The following BEAN1 variants were observed in gnomAD, a reference collection of about 807,000 sequenced individuals.
The protein encoded by BEAN1 is protein BEAN1.
A neutral mutation model predicts 17.7 loss-of-function variants in BEAN1; 17 were observed. The ratio of observed to expected loss-of-function variants is 0.96; its 90% CI spans 0.66 to 1.44. BEAN1 has a LOEUF of 1.44. Ranked by LOEUF, BEAN1 falls within the 40% of genes most tolerant of loss-of-function variation. The pLI is 0.00. For synonymous variants in BEAN1, 142 were observed against 151.8 expected (o/e 0.94, Z 0.47); for missense variants, 359 against 374.1 (o/e 0.96, Z 0.33).
exon 5 of BEAN1, chr16:66,493,469 C>G (rs1199020946): frequency 5.0e-6 from 3 of 605,278 alleles, no homozygotes; most frequent in Non-Finnish European, 5.9e-6. Flanking sequence ...CAGCACATGC[C>G]TGGACAGTGA....
intron 4 of BEAN1, among the ~76,000 whole-genome samples, chr16:66,490,416 A>AAT (rs1311642089): frequency 7.9e-6 from 1 of 127,102 alleles, no homozygotes; most frequent in Non-Finnish European, 1.6e-5. Flanking sequence ...AAATAAAATA[A>AAT]AATAAAATAA....
In BEAN1 at chr16:66,477,485, G is replaced by A. The variant is rs892259014; in HGVS notation, c.290-75G>A. 5 of 1,377,690 alleles carry A rather than the reference G, an allele frequency of 3.6e-6. 1 individual carries two copies. The Admixed American group carries it at 1.2e-4, about 33-fold the overall frequency. 85.3% of individuals were successfully genotyped at this position (1,377,690 alleles called of 1,614,324 possible). ...GGGAATCAGAGCCTCCATGGCCCCA[G>A]GTAGACCTACAGACCCATAAGGACC... On this transcript the variant is annotated intron_variant, in intron 3 of 4. Transcript: ENST00000536005.
rs1171145789 is a variant in BEAN1, at chr16:66,482,775, TTC to T, written c.*1852_*1853del. The T allele has an allele frequency of 9.2e-6, 4 of 436,204 alleles. No homozygotes were observed. Among genetic ancestry groups the T allele is most frequent in the Non-Finnish European group, 1.8e-5 (4 of 220,372 alleles). The allele number at this position is 436,204 out of a possible 1,614,324, so 27.0% of individuals were successfully genotyped here. A position where few individuals can be genotyped will look rare whatever the true frequency, so the allele number is the denominator to read the frequency against. ...CAATGAATAAGCAACAATGTATCTT[TTC>T]TGTGTTCAAAATAAATACATAATAT... On this transcript the variant is annotated 3_prime_UTR_variant, in exon 5 of 5. Transcript: ENST00000536005.
intron 2 of BEAN1, among the ~76,000 whole-genome samples, chr16:66,469,322 G>A (rs756070990): frequency 1.3e-5 from 2 of 152,214 alleles, no homozygotes; most frequent in Non-Finnish European, 2.9e-5. Context: ...CCCTCTCTGA[G>A]CTTCCTGTTT....
chr16:66,489,998 C>G (rs944942224), intron 4 of BEAN1, among the ~76,000 whole-genome samples: 1 of 151,896 alleles, frequency 6.6e-6, no homozygotes, highest in African/African-American at 2.4e-5. Context: ...GAGGCAGCTC[C>G]AAGACCAAGC....
downstream of BEAN1, chr16:66,485,097 C>T (rs527490569): frequency 1.5e-5 from 7 of 453,980 alleles, no homozygotes; most frequent in Admixed American, 7.1e-5. Flanking sequence ...CAGAAGAGGG[C>T]GGAAGGAGGG....
chr16:66,443,403 A>G (rs990293960), intron 2 of BEAN1, among the ~76,000 whole-genome samples: 8 of 152,254 alleles, frequency 5.3e-5, no homozygotes, highest in Non-Finnish European at 5.9e-5. Context: ...TCTAGATGGC[A>G]CAGCTAGAAA....
intron 2 of BEAN1, among the ~76,000 whole-genome samples, chr16:66,442,109 T>C (rs571573935): frequency 4.3e-4 from 66 of 152,202 alleles, no homozygotes; most frequent in Non-Finnish European, 8.1e-4. Context: ...GAGATCAGTT[T>C]CTCTGCCAGC....
Position 66,471,440 on chromosome 16 carries a change from G to A in BEAN1, c.289+1575G>A, listed in dbSNP as rs534333724. Among the ~76,000 whole-genome samples the A allele has an allele frequency of 1.5e-3, 224 of 152,354 alleles. No homozygotes were observed. Among genetic ancestry groups the A allele is most frequent in the African/African-American group, 5.1e-3 (213 of 41,584 alleles). On this transcript the variant is annotated intron_variant, in intron 3 of 4. Transcript: ENST00000536005. The surrounding 1 kb of genome is among the most constrained non-coding windows in gnomAD (Gnocchi z 4.7). Reference sequence around the variant, plus strand: ...CCCGCTGCACAGCACTGCCCAGGAAGGGAGCTGGAGGTGTCGGGGAGACGC... The same window carrying A: ...CCCGCTGCACAGCACTGCCCAGGAAAGGAGCTGGAGGTGTCGGGGAGACGC...
chr16:66,449,874 T>C (rs1249784606), intron 2 of BEAN1, among the ~76,000 whole-genome samples: 2 of 152,170 alleles, frequency 1.3e-5, no homozygotes, highest in Admixed American at 1.3e-4. Flanking sequence ...GCAATACTAG[T>C]GTGCTGGCGT....
At position 66,480,538 on chromosome 16, in the gene BEAN1, C is replaced by T. The variant is rs546026409; in HGVS notation, c.441-48C>T. 26 of 1,404,096 alleles carry T rather than the reference C, an allele frequency of 1.9e-5. No individual in the cohort carries two copies. In the South Asian group the frequency reaches 3.5e-4, roughly 19 times the overall value. The allele number at this position is 1,404,096 out of a possible 1,614,324, so 87.0% of individuals were successfully genotyped here. Reference sequence around the variant, plus strand: ...GACCCCCAGGCCTTTGGGAGAGACCCAGCCCTAAGGCCTAGGTGGGGCACT... The same window carrying T: ...GACCCCCAGGCCTTTGGGAGAGACCTAGCCCTAAGGCCTAGGTGGGGCACT... On this transcript the variant is annotated intron_variant, in intron 4 of 4. Coordinates refer to ENST00000536005, the MANE Select transcript of BEAN1 (RefSeq NM_001178020.3).
At chr16:66,432,394 C>T (rs1961841136) in intron 1 of BEAN1, among the ~76,000 whole-genome samples, 1 of 152,268 alleles carries the variant, frequency 6.6e-6, no homozygotes, top group African/African-American at 2.4e-5. Flanking sequence ...GGACCCCCAA[C>T]TGCAGCTTCA....
At chr16:66,489,582 G>A (rs1243726670) in intron 4 of BEAN1, among the ~76,000 whole-genome samples, 4 of 152,178 alleles carry the variant, frequency 2.6e-5, no homozygotes, top group South Asian at 2.1e-4. Context: ...AGTGTTGTGG[G>A]TAGTGACTAT....
Position 66,427,807 on chromosome 16 carries a change from C to G in BEAN1, c.-83+376C>G, listed in dbSNP as rs575701092. 1.3e-5 allele frequency: 2 copies of G among 152,112 alleles called. No individual in the cohort carries two copies. Among genetic ancestry groups the G allele is most frequent in the Non-Finnish European group, 2.9e-5 (2 of 68,058 alleles). 9.4% of individuals were successfully genotyped at this position (152,112 alleles called of 1,614,324 possible). On this transcript the variant is annotated intron_variant, in intron 1 of 4. Transcript: ENST00000536005. The surrounding 1 kb of genome is among the most constrained non-coding windows in gnomAD (Gnocchi z 4.7). Reference sequence around the variant, plus strand: ...GACAGCCTCCCCAGCAGCTTGCCCTCGGTTTCGGGGACCCCTGAACAACCC... The same window carrying G: ...GACAGCCTCCCCAGCAGCTTGCCCTGGGTTTCGGGGACCCCTGAACAACCC...
At chr16:66,431,984 T>C (rs1016645634) in intron 1 of BEAN1, among the ~76,000 whole-genome samples, 5 of 152,088 alleles carry the variant, frequency 3.3e-5, no homozygotes, top group South Asian at 2.1e-4. Flanking sequence ...TTTTTGTATG[T>C]TTTGTAGAGA....
In BEAN1 at chr16:66,480,826, C is replaced by A; in HGVS notation, c.681C>A (p.Gly227=). Reference sequence around the variant, plus strand: ...TGTGCGGGGCTGGCCCCCCATCAGGCCTGCTGCCACTGCCGGGCCCAGACC... The same window carrying A: ...TGTGCGGGGCTGGCCCCCCATCAGGACTGCTGCCACTGCCGGGCCCAGACC... ...EAVCGAGPPS[G]LLPLPGPDPG... is the part of the protein sequence containing the mutation. Residue 227 remains glycine, a synonymous_variant, in exon 5 of 5, where the codon GGC becomes GGA. Coordinates refer to ENST00000536005, the MANE Select transcript of BEAN1 (RefSeq NM_001178020.3). The A allele has an allele frequency of 6.5e-7, 1 of 1,535,644 alleles. No homozygotes were observed. Among genetic ancestry groups the A allele is most frequent in the Admixed American group, 2.0e-5 (1 of 49,976 alleles).
chr16:66,448,505 G>A (rs1962541588), intron 2 of BEAN1, among the ~76,000 whole-genome samples: 1 of 152,182 alleles, frequency 6.6e-6, no homozygotes, highest in Non-Finnish European at 1.5e-5. Context: ...CTCAAGGAAT[G>A]TTCACAAACT....
At position 66,481,251 on chromosome 16, in the gene BEAN1, G is replaced by A. The variant is rs576153123; in HGVS notation, c.*326G>A. 2.0e-4 allele frequency: 78 copies of A among 399,878 alleles called. No individual in the cohort carries two copies. Among genetic ancestry groups the A allele is most frequent in the Non-Finnish European group, 1.7e-4 (39 of 226,914 alleles). The allele number at this position is 399,878 out of a possible 1,614,324, so 24.8% of individuals were successfully genotyped here. ...GTTGTGCCTCTGTAGAGAGCGCTTC[G>A]GAGAGAGAGGCGAAGTAGGAAGTGG... On this transcript the variant is annotated 3_prime_UTR_variant, in exon 5 of 5. Coordinates refer to ENST00000536005, the MANE Select transcript of BEAN1 (RefSeq NM_001178020.3). The surrounding 1 kb of genome is among the most constrained non-coding windows in gnomAD (Gnocchi z 4.1).
In BEAN1 at chr16:66,482,605, G is replaced by A; in HGVS notation, c.*1680G>A. ...TGTACTGTATAGCCTTTAAAATGCAGTCCAGGAATGAGACTCTTTTAAGAA... is the reference window on the plus strand; with the variant it reads ...TGTACTGTATAGCCTTTAAAATGCAATCCAGGAATGAGACTCTTTTAAGAA... On this transcript the variant is annotated 3_prime_UTR_variant, in exon 5 of 5. Coordinates refer to ENST00000536005, the MANE Select transcript of BEAN1 (RefSeq NM_001178020.3). 1 of 358,646 alleles carries A rather than the reference G, an allele frequency of 2.8e-6. No individual in the cohort carries two copies. Among genetic ancestry groups the A allele is most frequent in the Non-Finnish European group, 5.4e-6 (1 of 184,926 alleles). The allele number at this position is 358,646 out of a possible 1,614,324, so 22.2% of individuals were successfully genotyped here. A position where few individuals can be genotyped will look rare whatever the true frequency, so the allele number is the denominator to read the frequency against.
Sources: gnomAD v4.1 joint callset for allele counts (sites outside exome capture counted in the v4.1 genomes callset) on GRCh38, gnomAD v4.1.1 for gene constraint, Gnocchi (gnomAD v3.1) non-coding constraint, MANE v1.5 for transcripts, NCBI Gene and HGNC (gene_info 2026-07-23, HGNC 2026-07-21) for gene names.